The following GLIS3 variants were observed in gnomAD, a reference collection of about 807,000 sequenced individuals.
GLIS3 encodes zinc finger protein GLIS3.
A neutral mutation model predicts 78.6 loss-of-function variants in GLIS3; 53 were observed. The ratio of observed to expected loss-of-function variants is 0.67; its 90% CI spans 0.54 to 0.85. The LOEUF is 0.85. GLIS3 is among the 40% of genes least tolerant of loss of function. The pLI, the probability that GLIS3 is intolerant of heterozygous loss-of-function variation, is 0.00. For missense variants in GLIS3, 1,703 were observed against 1,231.1 expected (o/e 1.38, Z -5.74); for synonymous variants, 684 against 509.9 (o/e 1.34, Z -4.60).
intron 2 of GLIS3, among the ~76,000 whole-genome samples, chr9:4,160,035 C>CAAACG (rs201340745): frequency 0.012 from 1,889 of 152,224 alleles, 41 homozygotes; most frequent in African/African-American, 0.043. Flanking sequence ...CAAAATAATG[C>CAAACG]AAACGAACTT....
the GLIS3 span, among the ~76,000 whole-genome samples, chr9:4,371,280 C>T: frequency 2.2e-3 from 341 of 152,248 alleles, 1 homozygote; most frequent in African/African-American, 5.9e-3. Flanking sequence ...ATTTAAGTAA[C>T]CATAGTGCAC....
chr9:4,051,998 T>G (rs977583880), intron 4 of GLIS3, among the ~76,000 whole-genome samples: 12 of 152,198 alleles, frequency 7.9e-5, no homozygotes, highest in African/African-American at 2.4e-4. Context: ...AATTACAGAT[T>G]AGAGTGCATT....
chr9:4,414,776 A>G, the GLIS3 span, among the ~76,000 whole-genome samples: 1 of 151,954 alleles, frequency 6.6e-6, no homozygotes, highest in African/African-American at 2.4e-5. Context: ...ATATCTGATC[A>G]TCCTCAATGT....
chr9:4,363,667 C>G, the GLIS3 span, among the ~76,000 whole-genome samples: 1,010 of 152,318 alleles, frequency 6.6e-3, 19 homozygotes, highest in African/African-American at 0.023. Context: ...CTCTCCACCT[C>G]TATCAATTTT....
intron 2 of GLIS3, among the ~76,000 whole-genome samples, chr9:4,185,630 G>A (rs1255780605): frequency 6.6e-6 from 1 of 152,156 alleles, no homozygotes; most frequent in Non-Finnish European, 1.5e-5. Flanking sequence ...TTAATAAGGG[G>A]ACTAAATATA....
chr9:4,157,904 A>G (rs1835155914), intron 2 of GLIS3, among the ~76,000 whole-genome samples: 1 of 152,192 alleles, frequency 6.6e-6, no homozygotes, highest in South Asian at 2.1e-4. Flanking sequence ...AAATATCAAT[A>G]AATTTTATCC....
In GLIS3 at chr9:3,825,736, C is replaced by A. The variant is rs1817690864; in HGVS notation, c.*2536G>T. Reference sequence around the variant, plus strand: ...CGAATCTAAGCATAGTGTGTGTAGTCTGGAAGGCATCTGAACGTGTCCTAT... The same window carrying A: ...CGAATCTAAGCATAGTGTGTGTAGTATGGAAGGCATCTGAACGTGTCCTAT... On this transcript the variant is annotated 3_prime_UTR_variant, in exon 11 of 11. Transcript: ENST00000381971. 6.6e-6 allele frequency: 1 copy of A among 152,128 alleles called. No homozygotes were observed. The highest frequency in any genetic ancestry group is 1.5e-5 in the Non-Finnish European group (1 of 68,044). The allele number at this position is 152,128 out of a possible 1,614,324, so 9.4% of individuals were successfully genotyped here.
chr9:4,126,245 T>C (rs756080468), intron 2 of GLIS3, among the ~76,000 whole-genome samples: 2 of 152,220 alleles, frequency 1.3e-5, no homozygotes, highest in Non-Finnish European at 2.9e-5. Flanking sequence ...AGGGTTAAGG[T>C]GGTAAGTAGA....
chr9:4,482,026 T>A, the GLIS3 span, among the ~76,000 whole-genome samples: 1 of 152,206 alleles, frequency 6.6e-6, no homozygotes, highest in African/African-American at 2.4e-5. Context: ...TTAGTTCTAG[T>A]GAGATTGAAG....
chr9:3,918,770 A>T (rs1824682179), intron 6 of GLIS3, among the ~76,000 whole-genome samples: 1 of 152,098 alleles, frequency 6.6e-6, no homozygotes, highest in East Asian at 1.9e-4. Flanking sequence ...AAAAAACAAA[A>T]ACTGTGGGGT....
chr9:4,445,297 G>C, the GLIS3 span, among the ~76,000 whole-genome samples: 1 of 152,110 alleles, frequency 6.6e-6, no homozygotes, highest in African/African-American at 2.4e-5. Flanking sequence ...ATTATATAAA[G>C]TCATAGAGTG....
chr9:4,173,605 T>C lies in GLIS3; in HGVS notation c.389-47664A>G, dbSNP rs1040910276. On this transcript the variant is annotated intron_variant, in intron 2 of 10. Transcript: ENST00000381971. Reference sequence around the variant, plus strand: ...ACACACACACACACACACACACATATATATGTTTGTTTTTGAAACAAGGTC... The same window carrying C: ...ACACACACACACACACACACACATACATATGTTTGTTTTTGAAACAAGGTC... 2.7e-5 allele frequency among the ~76,000 whole-genome samples: 4 copies of C among 147,008 alleles called. No homozygotes were observed. In the Admixed American group the frequency reaches 2.7e-4, roughly 10 times the overall value.
At chr9:4,325,836 T>C (rs761616429) in intron 2 of GLIS3, among the ~76,000 whole-genome samples, 40 of 152,192 alleles carry the variant, frequency 2.6e-4, no homozygotes, top group Admixed American at 5.9e-4. Context: ...ATAAAGAAAA[T>C]GTGGTACATA....
At chr9:4,333,210 G>C (rs1817710340) in intron 2 of GLIS3, among the ~76,000 whole-genome samples, 1 of 102,808 alleles carries the variant, frequency 9.7e-6, no homozygotes, top group Admixed American at 1.2e-4. Flanking sequence ...AGTGAGACAA[G>C]AATGAAAAGG....
chr9:3,877,724 C>T (rs1821410859), intron 8 of GLIS3, among the ~76,000 whole-genome samples: 2 of 152,162 alleles, frequency 1.3e-5, no homozygotes, highest in African/African-American at 4.8e-5. Flanking sequence ...TAAATAATTG[C>T]TCTTGAATAA....
chr9:3,829,998 T>C (rs1449634562), intron 9 of GLIS3, among the ~76,000 whole-genome samples: 2 of 152,232 alleles, frequency 1.3e-5, no homozygotes, highest in Non-Finnish European at 2.9e-5. Context: ...CTTATTATCC[T>C]GGCTAGGTAG....
At chr9:4,473,496 T>C in the GLIS3 span, among the ~76,000 whole-genome samples, 2 of 143,826 alleles carry the variant, frequency 1.4e-5, no homozygotes, top group Non-Finnish European at 3.1e-5. Flanking sequence ...TGCAGGAACA[T>C]AGATGGAGCT....
chr9:4,153,555 C>T (rs533000691), intron 2 of GLIS3, among the ~76,000 whole-genome samples: 166 of 152,284 alleles, frequency 1.1e-3, no homozygotes, highest in Non-Finnish European at 2.1e-3. Flanking sequence ...CACAGTGAGA[C>T]TCTGTCTCAA....
At chr9:3,898,933 C>T (rs1400560634) in intron 6 of GLIS3, 98 bp from the exon 7 acceptor site, 1 of 1,530,926 alleles carries the variant, frequency 6.5e-7, no homozygotes, top group Admixed American at 1.8e-5. Flanking sequence ...ACTCAGCCCA[C>T]AAAAATTTAT....
Sources: allele counts gnomAD v4.1 joint callset (sites outside exome capture counted in the v4.1 genomes callset), GRCh38; gene constraint gnomAD v4.1.1; transcripts MANE v1.5; gene names NCBI Gene and HGNC (gene_info 2026-07-23, HGNC 2026-07-21).